The following PLEKHG1 variants were observed in gnomAD, a reference collection of about 807,000 sequenced individuals.
PLEKHG1 encodes the protein pleckstrin homology and RhoGEF domain containing G1, also known as pleckstrin homology domain-containing family G member 1.
PLEKHG1 carries 44 observed loss-of-function variants against 100.8 expected under a neutral mutation model. The observed-to-expected ratio is 0.44, with a 90% CI of 0.34 to 0.56. The LOEUF (loss-of-function observed/expected upper bound fraction) is 0.56, where lower values mean the gene tolerates loss of function less well. PLEKHG1 is among the 20% of genes least tolerant of loss of function. The pLI is 0.01. For missense variants in PLEKHG1, 1,545 were observed against 1,720.9 expected, an observed-to-expected ratio of 0.90 and a Z score of 1.81; for synonymous variants, 640 against 662.5, an observed-to-expected ratio of 0.97 and a Z score of 0.52.
chr6:150,812,687 T>C (rs1209805863), intron 10 of PLEKHG1, among the ~76,000 whole-genome samples: 1 of 152,186 alleles, frequency 6.6e-6, no homozygotes, highest in Non-Finnish European at 1.5e-5. Context: ...AGACTTCTCG[T>C]CTGGCTCGAA....
At chr6:150,715,872 G>A (rs1781408751) in intron 3 of PLEKHG1, among the ~76,000 whole-genome samples, 1 of 147,816 alleles carries the variant, frequency 6.8e-6, no homozygotes, top group East Asian at 2.0e-4. Context: ...ACTTTGGGAG[G>A]CAGAGGCGGG....
intron 3 of PLEKHG1, among the ~76,000 whole-genome samples, chr6:150,773,738 C>G (rs913736761): frequency 6.6e-6 from 1 of 152,036 alleles, no homozygotes; most frequent in Non-Finnish European, 1.5e-5. Context: ...TTGAACTACT[C>G]TATTGGGATT....
intron 1 of PLEKHG1, among the ~76,000 whole-genome samples, chr6:150,602,896 A>AT (rs1393080211): frequency 6.6e-6 from 1 of 152,096 alleles, no homozygotes. Context: ...CCTGGCTAAC[A>AT]CGGTGAAACC....
exon 15 of PLEKHG1, chr6:150,830,582 G>T: frequency 6.3e-7 from 1 of 1,579,890 alleles, no homozygotes; most frequent in Middle Eastern, 1.7e-4. Context: ...TCTTCCTCAG[G>T]TTTCTAGAGA....
chr6:150,710,112 TG>T (rs1405038689), intron 3 of PLEKHG1, among the ~76,000 whole-genome samples: 5 of 152,238 alleles, frequency 3.3e-5, no homozygotes, highest in African/African-American at 1.2e-4. Context: ...TTTACCATTT[TG>T]TTATGCCCTA....
At chr6:150,705,019 A>C (rs1031912640) in intron 3 of PLEKHG1, among the ~76,000 whole-genome samples, 2 of 152,174 alleles carry the variant, frequency 1.3e-5, no homozygotes, top group African/African-American at 4.8e-5. Context: ...GCTCGTCTCC[A>C]AATACAGTCA....
chr6:150,833,193 C>T (rs1777049473), intron 15 of PLEKHG1, among the ~76,000 whole-genome samples: 1 of 151,904 alleles, frequency 6.6e-6, no homozygotes. Context: ...CAGGTGTGTA[C>T]CACCACGCCC....
intron 3 of PLEKHG1, among the ~76,000 whole-genome samples, chr6:150,660,343 T>A (rs775285715): frequency 5.9e-5 from 9 of 152,316 alleles, no homozygotes; most frequent in Non-Finnish European, 1.0e-4. Flanking sequence ...TATAGAAACA[T>A]GTTTTATTTT....
At chr6:150,746,905 A>T (rs1402654555) in intron 2 of PLEKHG1, among the ~76,000 whole-genome samples, 3 of 152,238 alleles carry the variant, frequency 2.0e-5, no homozygotes, top group Admixed American at 6.5e-5. Context: ...TTGCAAGCTC[A>T]AACACTTTCA....
rs1396763284 is a variant in PLEKHG1, at chr6:150,600,575, G to T, written c.-204+558G>T. 1.3e-5 allele frequency among the ~76,000 whole-genome samples: 2 copies of T among 152,204 alleles called. No individual in the cohort carries two copies. The highest frequency in any genetic ancestry group is 2.4e-5 in the African/African-American group (1 of 41,464). On this transcript the variant is annotated intron_variant, in intron 1 of 3. Coordinates refer to the PLEKHG1 transcript ENST00000367326. The surrounding 1 kb of genome is among the most constrained non-coding windows in gnomAD (Gnocchi z 6.2). The stretch of plus-strand genomic sequence containing the variant: ...CTGCTGCGGCGCTCAGGGCTTGGGG[G>T]CGCCCCCGTTCTGCAGATGCGCTTT...
In PLEKHG1 at chr6:150,811,248, A is replaced by C. The variant is rs184946237; in HGVS notation, c.1278+1514A>C. On this transcript the variant is annotated intron_variant, in intron 10 of 15. Coordinates refer to ENST00000358517, the Ensembl canonical transcript of PLEKHG1. ...GGAGAGAGGAAGGAAAACATCTTTT[A>C]CCTCAGTCTTAAAGGATAGGGAATG... 4.7e-5 allele frequency among the ~76,000 whole-genome samples: 7 copies of C among 147,442 alleles called. No homozygotes were observed. In the East Asian group the frequency reaches 1.2e-3, roughly 26 times the overall value.
intron 1 of PLEKHG1, among the ~76,000 whole-genome samples, chr6:150,732,605 C>G (rs1302824651): frequency 6.6e-6 from 1 of 152,256 alleles, no homozygotes; most frequent in Non-Finnish European, 1.5e-5. Context: ...GCTCTGACCA[C>G]TGTCATACAT....
At chr6:150,615,431 C>T (rs1777031888) in intron 1 of PLEKHG1, among the ~76,000 whole-genome samples, 1 of 152,164 alleles carries the variant, frequency 6.6e-6, no homozygotes. Flanking sequence ...AAATGCACCC[C>T]AAAGCCAGAG....
chr6:150,672,272 G>A (rs1779610964), intron 3 of PLEKHG1, among the ~76,000 whole-genome samples: 1 of 152,082 alleles, frequency 6.6e-6, no homozygotes, highest in African/African-American at 2.4e-5. Context: ...TCTCTATATA[G>A]TGGAGAAAAT....
At chr6:150,730,229 G>A (rs983173167) in intron 1 of PLEKHG1, among the ~76,000 whole-genome samples, 4 of 151,188 alleles carry the variant, frequency 2.6e-5, no homozygotes, top group African/African-American at 9.7e-5. Context: ...CAGATCTGTA[G>A]GGGGTAGACC....
chr6:150,782,721 G>C (rs2128649224), intron 3 of PLEKHG1, among the ~76,000 whole-genome samples: 1 of 152,258 alleles, frequency 6.6e-6, no homozygotes, highest in Admixed American at 6.5e-5. Flanking sequence ...GGGAAATAAT[G>C]CTACTCTTCT....
intron 1 of PLEKHG1, among the ~76,000 whole-genome samples, chr6:150,623,100 C>G (rs1777374784): frequency 6.6e-6 from 1 of 151,658 alleles, no homozygotes; most frequent in Non-Finnish European, 1.5e-5. Context: ...TGTTAAGTAT[C>G]CTGTATGTCA....
chr6:150,835,921 A>G (rs1208988529), intron 15 of PLEKHG1, among the ~76,000 whole-genome samples: 1 of 152,232 alleles, frequency 6.6e-6, no homozygotes, highest in African/African-American at 2.4e-5. Flanking sequence ...GGTCAACTCT[A>G]TCATCCAAAG....
At chr6:150,659,429 AG>A (rs1779096500) in intron 3 of PLEKHG1, among the ~76,000 whole-genome samples, 1 of 152,182 alleles carries the variant, frequency 6.6e-6, no homozygotes, top group Non-Finnish European at 1.5e-5. Flanking sequence ...TGTGGATCAC[AG>A]CTCACCTCTT....
Sources: allele counts gnomAD v4.1 joint callset (sites outside exome capture counted in the v4.1 genomes callset), GRCh38; gene constraint gnomAD v4.1.1; non-coding constraint Gnocchi (gnomAD v3.1); transcripts MANE v1.5; gene names NCBI Gene and HGNC (gene_info 2026-07-23, HGNC 2026-07-21).